Variants in GALNT13 observed in about 807,000 individuals in gnomAD.
GALNT13 encodes polypeptide N-acetylgalactosaminyltransferase 13, also known as UDP-GalNAc:polypeptide N-acetylgalactosaminyltransferase 13.
In GALNT13, 28 loss-of-function variants were observed where a neutral mutation model predicts 64.2. That is an observed-to-expected ratio of 0.44 (90% confidence interval 0.32 to 0.60). The LOEUF (loss-of-function observed/expected upper bound fraction) is 0.60. Among genes scored for constraint, GALNT13 ranks in the 20% least tolerant of loss-of-function variants. GALNT13 has a pLI of 0.05. For synonymous variants in GALNT13, 214 were observed against 224.6 expected, an observed-to-expected ratio of 0.95 and a Z score of 0.42; for missense variants, 577 against 669.8, an observed-to-expected ratio of 0.86 and a Z score of 1.53.
the GALNT13 span, among the ~76,000 whole-genome samples, chr2:153,426,813 C>T: frequency 6.6e-5 from 10 of 151,804 alleles, no homozygotes; most frequent in African/African-American, 2.4e-4. Context: ...CTTATTGTCT[C>T]AGTGGGCTCC....
the GALNT13 span, among the ~76,000 whole-genome samples, chr2:153,642,938 A>G: frequency 6.6e-6 from 1 of 151,710 alleles, no homozygotes. Flanking sequence ...ATTAAGAAAC[A>G]CACATCTAAA....
the GALNT13 span, among the ~76,000 whole-genome samples, chr2:153,222,016 G>C: frequency 6.6e-6 from 1 of 152,132 alleles, no homozygotes; most frequent in East Asian, 1.9e-4. Flanking sequence ...GCAGGGGATG[G>C]GGAGGCGTGT....
chr2:154,077,582 G>C lies in GALNT13; in HGVS notation c.143-62755G>C, dbSNP rs552624486. On this transcript the variant is annotated intron_variant, in intron 3 of 12. Transcript: ENST00000392825. ...AAAATATAATATTGAATGGTTGTAA[G>C]GGATTGGTCAAATGAGCATTCTCTT... 5.3e-5 allele frequency among the ~76,000 whole-genome samples: 8 copies of C among 151,618 alleles called. No individual in the cohort carries two copies. In the East Asian group the frequency reaches 1.2e-3, roughly 22 times the overall value.
chr2:153,435,147 C>T, the GALNT13 span, among the ~76,000 whole-genome samples: 27 of 152,208 alleles, frequency 1.8e-4, no homozygotes, highest in Middle Eastern at 3.4e-3. Context: ...TGTAGATATG[C>T]GGCATTATTT....
At chr2:154,098,707 A>G (rs1024830213) in intron 3 of GALNT13, among the ~76,000 whole-genome samples, 3 of 152,040 alleles carry the variant, frequency 2.0e-5, no homozygotes, top group African/African-American at 7.2e-5. Context: ...TATTCCACTT[A>G]GGATAATGAC....
chr2:154,325,947 A>G (rs1162530268), intron 9 of GALNT13, among the ~76,000 whole-genome samples: 1 of 152,228 alleles, frequency 6.6e-6, no homozygotes, highest in East Asian at 1.9e-4. Context: ...GGCGGGGCCC[A>G]GGAAGCTGTG....
At chr2:153,792,317 A>G in the GALNT13 span, among the ~76,000 whole-genome samples, 1 of 152,140 alleles carries the variant, frequency 6.6e-6, no homozygotes, top group South Asian at 2.1e-4. Flanking sequence ...GTCATTCTCC[A>G]AACAATATAA....
At chr2:153,589,435 A>C in the GALNT13 span, among the ~76,000 whole-genome samples, 1 of 152,104 alleles carries the variant, frequency 6.6e-6, no homozygotes, top group Admixed American at 6.6e-5. Context: ...GAGCCCTCCA[A>C]ACTGTTCCAA....
the GALNT13 span, among the ~76,000 whole-genome samples, chr2:153,516,350 T>C: frequency 6.6e-6 from 1 of 152,084 alleles, no homozygotes; most frequent in Non-Finnish European, 1.5e-5. Flanking sequence ...TTTGGCAGGA[T>C]TGATTAAGGA....
chr2:154,142,597 C>T (rs1397282135), intron 4 of GALNT13, among the ~76,000 whole-genome samples: 1 of 149,964 alleles, frequency 6.7e-6, no homozygotes, highest in Non-Finnish European at 1.5e-5. Flanking sequence ...AAAAGAAAAC[C>T]CTGTTGAGAT....
the GALNT13 span, among the ~76,000 whole-genome samples, chr2:153,451,999 T>C: frequency 5.9e-5 from 9 of 152,222 alleles, no homozygotes; most frequent in South Asian, 4.1e-4. Context: ...AAATGTTGCA[T>C]TGGCAAGCAT....
chr2:154,336,413 G>A (rs1281233614), intron 9 of GALNT13, among the ~76,000 whole-genome samples: 1 of 151,922 alleles, frequency 6.6e-6, no homozygotes, highest in Non-Finnish European at 1.5e-5. Context: ...AGATATTCTT[G>A]GCTTCCAGCT....
the GALNT13 span, among the ~76,000 whole-genome samples, chr2:153,314,247 G>A: frequency 6.6e-6 from 1 of 152,120 alleles, no homozygotes; most frequent in Non-Finnish European, 1.5e-5. Flanking sequence ...TCTGAGGACA[G>A]GTTAAAAATG....
chr2:153,278,433 C>A, the GALNT13 span, among the ~76,000 whole-genome samples: 1 of 152,198 alleles, frequency 6.6e-6, no homozygotes, highest in Middle Eastern at 3.4e-3. Flanking sequence ...TTTTCTAAGG[C>A]CAATGTCCAG....
intron 2 of GALNT13, among the ~76,000 whole-genome samples, chr2:153,929,044 A>T (rs1302589537): frequency 2.6e-5 from 4 of 152,158 alleles, no homozygotes; most frequent in African/African-American, 9.7e-5. Flanking sequence ...ACATATTGGA[A>T]TTACTCCATA....
At chr2:153,503,709 A>G in the GALNT13 span, among the ~76,000 whole-genome samples, 2 of 152,054 alleles carry the variant, frequency 1.3e-5, no homozygotes, top group Non-Finnish European at 2.9e-5. Flanking sequence ...CCAAAGTGCT[A>G]GGATTACAGG....
chr2:153,902,007 A>G (rs1174471726), intron 2 of GALNT13, among the ~76,000 whole-genome samples: 1 of 152,096 alleles, frequency 6.6e-6, no homozygotes, highest in Non-Finnish European at 1.5e-5. Context: ...TCAGATGTGT[A>G]GTGTTCATAG....
chr2:153,920,158 G>A (rs1689655075), intron 2 of GALNT13, among the ~76,000 whole-genome samples: 2 of 151,710 alleles, frequency 1.3e-5, no homozygotes, highest in South Asian at 4.1e-4. Flanking sequence ...CGGATTCTCA[G>A]TAGGTGCACA....
chr2:153,424,800 C>A, the GALNT13 span, among the ~76,000 whole-genome samples: 1 of 151,790 alleles, frequency 6.6e-6, no homozygotes, highest in Non-Finnish European at 1.5e-5. Context: ...GAAAGGTGTG[C>A]TAATTTCAGC....
Sources: allele counts gnomAD v4.1 joint callset (sites outside exome capture counted in the v4.1 genomes callset), GRCh38; gene constraint gnomAD v4.1.1; transcripts MANE v1.5; gene names NCBI Gene and HGNC (gene_info 2026-07-23, HGNC 2026-07-21).